AGAP1: variants seen among roughly 807,000 people sequenced by gnomAD.
AGAP1 encodes ArfGAP with GTPase domain, ankyrin repeat and PH domain 1, also known as arf-GAP with GTPase, ANK repeat and PH domain-containing protein 1.
A neutral mutation model predicts 105.3 loss-of-function variants in AGAP1; 29 were observed. The ratio of observed to expected loss-of-function variants is 0.28; its 90% CI spans 0.21 to 0.38. The LOEUF (loss-of-function observed/expected upper bound fraction) is 0.38. Among genes scored for constraint, AGAP1 ranks in the 10% least tolerant of loss-of-function variants. The pLI is 1.00. For missense variants in AGAP1, 998 were observed against 1,165.1 expected (o/e 0.86, Z 2.09); for synonymous variants, 509 against 485.9 (o/e 1.05, Z -0.63).
At chr2:235,656,377 A>C (rs1345259075) in intron 1 of AGAP1, among the ~76,000 whole-genome samples, 2 of 152,228 alleles carry the variant, frequency 1.3e-5, no homozygotes, top group Non-Finnish European at 2.9e-5. Context: ...TCAAAGAATC[A>C]GTATGTCAGT....
intron 13 of AGAP1, among the ~76,000 whole-genome samples, chr2:236,034,730 A>T (rs2125654100): frequency 6.6e-6 from 1 of 152,340 alleles, no homozygotes; most frequent in South Asian, 2.1e-4. Flanking sequence ...GGGGCTAACC[A>T]GCCAGGGCCT....
chr2:235,560,712 G>T (rs1944120663), intron 1 of AGAP1, among the ~76,000 whole-genome samples: 1 of 152,182 alleles, frequency 6.6e-6, no homozygotes, highest in South Asian at 2.1e-4. Context: ...CTCCTGAAGG[G>T]CATACAGCCC....
At chr2:236,013,102 A>G (rs1268513700) in intron 13 of AGAP1, among the ~76,000 whole-genome samples, 1 of 152,230 alleles carries the variant, frequency 6.6e-6, no homozygotes, top group Non-Finnish European at 1.5e-5. Flanking sequence ...ACAAGTTAAT[A>G]TCACTTTAAA....
At chr2:236,088,851 A>G (rs1459809297) in intron 16 of AGAP1, among the ~76,000 whole-genome samples, 1 of 152,192 alleles carries the variant, frequency 6.6e-6, no homozygotes, top group East Asian at 1.9e-4. Flanking sequence ...GTGCACTGCA[A>G]TACCTCATTC....
At chr2:235,763,301 A>C (rs78708272) in intron 6 of AGAP1, among the ~76,000 whole-genome samples, 1 of 126,572 alleles carries the variant, frequency 7.9e-6, no homozygotes, top group Non-Finnish European at 1.6e-5. Flanking sequence ...AATATTCCAC[A>C]AAAAAAAAAA....
chr2:236,081,579 A>G (rs780191027), intron 16 of AGAP1, among the ~76,000 whole-genome samples: 4 of 151,954 alleles, frequency 2.6e-5, no homozygotes, highest in Non-Finnish European at 5.9e-5. Flanking sequence ...TCCAGTAGAG[A>G]CACATGACTC....
intron 16 of AGAP1, among the ~76,000 whole-genome samples, chr2:236,067,013 T>C (rs1379478423): frequency 7.7e-6 from 1 of 130,024 alleles, no homozygotes; most frequent in African/African-American, 2.5e-5. Flanking sequence ...AAATGTCTTC[T>C]TCACCAACCA....
rs990812767 is a variant in AGAP1, at chr2:235,930,443, G to A, written c.1325-322G>A. Among the ~76,000 whole-genome samples the A allele has an allele frequency of 6.6e-6, 1 of 152,180 alleles. No individual in the cohort carries two copies. The highest frequency in any genetic ancestry group is 1.5e-5 in the Non-Finnish European group (1 of 68,046). ...GATCGCGGTGTCTCTGCTAAGACTC[G>A]CTGGGTCTTTTGTCTTCACTTCCAC... On this transcript the variant is annotated intron_variant, in intron 11 of 17. Coordinates refer to ENST00000304032, the MANE Select transcript of AGAP1 (RefSeq NM_001037131.3). This position sits in a 1 kb window ranked among gnomAD's most constrained non-coding sequence, Gnocchi z 7.9.
chr2:236,088,226 A>G (rs1439964497), intron 16 of AGAP1, among the ~76,000 whole-genome samples: 2 of 151,966 alleles, frequency 1.3e-5, no homozygotes, highest in Non-Finnish European at 2.9e-5. Context: ...CCTTCACCTT[A>G]CTGAGAGAGG....
chr2:236,092,502 C>T lies in AGAP1; in HGVS notation c.2115-27690C>T, dbSNP rs370523376. Among the ~76,000 whole-genome samples the T allele has an allele frequency of 7.9e-5, 12 of 152,272 alleles. No homozygotes were observed. In the East Asian group the frequency reaches 1.7e-3, roughly 22 times the overall value. On this transcript the variant is annotated intron_variant, in intron 16 of 17. Coordinates refer to ENST00000304032, the MANE Select transcript of AGAP1 (RefSeq NM_001037131.3). This position sits in a 1 kb window ranked among gnomAD's most constrained non-coding sequence, Gnocchi z 4.7. ...CCGCCTCCCGGGTTCAAGCAATTCT[C>T]CTGCCTCAGCCTCCCGAGTAAGCTG... is the stretch of plus-strand genomic sequence containing the variant.
At position 235,664,986 on chromosome 2, in the gene AGAP1, C is replaced by T. The variant is rs1375911069; in HGVS notation, c.164-44193C>T. 6.6e-6 allele frequency among the ~76,000 whole-genome samples: 1 copy of T among 152,064 alleles called. No homozygotes were observed. Among genetic ancestry groups the T allele is most frequent in the Non-Finnish European group, 1.5e-5 (1 of 68,014 alleles). On this transcript the variant is annotated intron_variant, in intron 1 of 17. Transcript: ENST00000304032. This position sits in a 1 kb window ranked among gnomAD's most constrained non-coding sequence, Gnocchi z 5.7. The stretch of plus-strand genomic sequence containing the variant: ...CTGTAATCCCAGCACTTTAGGAGGC[C>T]AAGATGGGAGAATCATCTGAGGTGA...
Position 235,608,191 on chromosome 2 carries a change from T to C in AGAP1, c.164-100988T>C, listed in dbSNP as rs1245361012. On this transcript the variant is annotated intron_variant, in intron 1 of 17. Transcript: ENST00000304032. The surrounding 1 kb of genome is among the most constrained non-coding windows in gnomAD (Gnocchi z 5.4). ...CCCCTTGCGGAGCCTCAGCATCTCTTCTCTGCTTGGCCCACGTCTAGCAGT... is the reference window on the plus strand; with the variant it reads ...CCCCTTGCGGAGCCTCAGCATCTCTCCTCTGCTTGGCCCACGTCTAGCAGT... 1.3e-5 allele frequency among the ~76,000 whole-genome samples: 2 copies of C among 152,214 alleles called. No homozygotes were observed. The highest frequency in any genetic ancestry group is 2.9e-5 in the Non-Finnish European group (2 of 68,040).
At chr2:235,797,926 A>G in intron 7 of AGAP1, 40 bp downstream of exon 7, 1 of 1,610,376 alleles carries the variant, frequency 6.2e-7, no homozygotes, top group East Asian at 2.2e-5. Context: ...CTTAGAACCA[A>G]AGACAATATG....
At chr2:235,955,518 G>C (rs1039893414) in intron 12 of AGAP1, among the ~76,000 whole-genome samples, 1 of 152,168 alleles carries the variant, frequency 6.6e-6, no homozygotes, top group African/African-American at 2.4e-5. Context: ...CAGAAGTACT[G>C]ATTTATGGTC....
chr2:235,792,433 C>T lies in AGAP1; in HGVS notation c.674-5326C>T, dbSNP rs188741927. On this transcript the variant is annotated intron_variant, in intron 6 of 17. Coordinates refer to ENST00000304032, the MANE Select transcript of AGAP1 (RefSeq NM_001037131.3). The surrounding 1 kb of genome is among the most constrained non-coding windows in gnomAD (Gnocchi z 5.3). ...CACCTTCCCCAAACATGAAAGAGCC[C>T]AGTTTTGCTAAGGAGCTGTTGAAAA... Among the ~76,000 whole-genome samples the T allele has an allele frequency of 6.6e-5, 10 of 152,272 alleles. No individual in the cohort carries two copies. In the South Asian group the frequency reaches 1.7e-3, roughly 25 times the overall value.
chr2:235,675,001 TTTTA>T (rs1407634209), intron 1 of AGAP1, among the ~76,000 whole-genome samples: 8 of 151,638 alleles, frequency 5.3e-5, no homozygotes, highest in Non-Finnish European at 1.5e-5. Flanking sequence ...ATTTTATTAT[TTTTA>T]TTTTTTAAAC....
intron 9 of AGAP1, among the ~76,000 whole-genome samples, chr2:235,819,275 G>C (rs1958643942): frequency 6.6e-6 from 1 of 151,888 alleles, no homozygotes; most frequent in Non-Finnish European, 1.5e-5. Flanking sequence ...CACGATACCT[G>C]GCTAATTTTT....
Position 235,766,565 on chromosome 2 carries a change from A to G in AGAP1, c.673+16077A>G, listed in dbSNP as rs150376965. ...AAGTTACTGGATCAGCAGCACACAA[A>G]TGCAGAAGTAAAAAAGTTTCATTCA... On this transcript the variant is annotated intron_variant, in intron 6 of 17. Coordinates refer to ENST00000304032, the MANE Select transcript of AGAP1 (RefSeq NM_001037131.3). Among the ~76,000 whole-genome samples the G allele has an allele frequency of 4.6e-3, 698 of 152,334 alleles. 7 individuals are homozygous for G. Among genetic ancestry groups the G allele is most frequent in the African/African-American group, 0.016 (660 of 41,578 alleles).
intron 1 of AGAP1, among the ~76,000 whole-genome samples, chr2:235,683,029 G>A (rs907229708): frequency 3.9e-5 from 6 of 152,118 alleles, no homozygotes; most frequent in Non-Finnish European, 7.3e-5. Flanking sequence ...ACTGAGGGCC[G>A]GTGCGGTGGC....
Sources: gnomAD v4.1 joint callset for allele counts (sites outside exome capture counted in the v4.1 genomes callset) on GRCh38, gnomAD v4.1.1 for gene constraint, Gnocchi (gnomAD v3.1) non-coding constraint, MANE v1.5 for transcripts, NCBI Gene and HGNC (gene_info 2026-07-23, HGNC 2026-07-21) for gene names.